ANKIB1: variants seen among roughly 807,000 people sequenced by gnomAD.
The protein encoded by ANKIB1 is ankyrin repeat and IBR domain-containing protein 1.
In ANKIB1, 43 loss-of-function variants were observed where a neutral mutation model predicts 122.1. The ratio of observed to expected loss-of-function variants is 0.35; its 90% CI spans 0.28 to 0.45. The LOEUF (loss-of-function observed/expected upper bound fraction) is 0.45. Ranked by LOEUF, ANKIB1 falls within the 20% of genes least tolerant of loss-of-function variation. The pLI, the probability that ANKIB1 is intolerant of heterozygous loss-of-function variation, is 1.00. For missense variants in ANKIB1, 992 were observed against 1,329.5 expected (o/e 0.75, Z 3.95); for synonymous variants, 390 against 442.0 (o/e 0.88, Z 1.48).
At chr7:92,249,969 G>C (rs777115113) in intron 1 of ANKIB1, among the ~76,000 whole-genome samples, 2 of 151,762 alleles carry the variant, frequency 1.3e-5, no homozygotes, top group African/African-American at 4.8e-5. Flanking sequence ...TAATATTCTC[G>C]AAAAGATTTG....
At chr7:92,246,636 C>T (rs1801055698) in intron 1 of ANKIB1, 117 bp downstream of exon 1, 1 of 454,076 alleles carries the variant, frequency 2.2e-6, no homozygotes, top group Admixed American at 2.4e-5. Flanking sequence ...GTGTCTGTCG[C>T]CTGTTTTGGA....
intron 1 of ANKIB1, among the ~76,000 whole-genome samples, chr7:92,258,066 G>A (rs981101640): frequency 5.3e-5 from 8 of 152,244 alleles, no homozygotes; most frequent in Admixed American, 3.3e-4. Flanking sequence ...ATTAGGATAT[G>A]ATATTCCGAT....
At chr7:92,352,681 T>C (rs748688583) in intron 9 of ANKIB1, 39 bp downstream of exon 9, 18 of 1,565,256 alleles carry the variant, frequency 1.1e-5, no homozygotes, top group African/African-American at 5.5e-5. Context: ...TAATCACCTT[T>C]CTTTCCAATA....
chr7:92,246,830 A>G (rs1183224054), intron 1 of ANKIB1, among the ~76,000 whole-genome samples: 1 of 150,588 alleles, frequency 6.6e-6, no homozygotes, highest in African/African-American at 2.5e-5. Flanking sequence ...CCTCCCCCCC[A>G]CCCCCATCCT....
intron 10 of ANKIB1, among the ~76,000 whole-genome samples, chr7:92,365,479 A>G (rs1804051417): frequency 6.6e-6 from 1 of 152,216 alleles, no homozygotes; most frequent in African/African-American, 2.4e-5. Context: ...ATGCATTGAG[A>G]GATGAGACTG....
intron 7 of ANKIB1, among the ~76,000 whole-genome samples, chr7:92,346,047 A>G (rs1386568454): frequency 6.6e-6 from 1 of 152,086 alleles, no homozygotes; most frequent in African/African-American, 2.4e-5. Context: ...CTCATTTCCC[A>G]TTGAATCCCT....
At chr7:92,274,653 A>G (rs920996331) in intron 1 of ANKIB1, among the ~76,000 whole-genome samples, 1 of 152,102 alleles carries the variant, frequency 6.6e-6, no homozygotes, top group African/African-American at 2.4e-5. Context: ...TTAACTCCTT[A>G]TAAGATTTTT....
At chr7:92,265,078 C>CT (rs1464155676) in intron 1 of ANKIB1, among the ~76,000 whole-genome samples, 1 of 152,176 alleles carries the variant, frequency 6.6e-6, no homozygotes, top group Admixed American at 6.5e-5. Context: ...TGGGCTGAAT[C>CT]TATCTTCCTG....
chr7:92,319,312 G>A lies in ANKIB1; in HGVS notation c.487-18G>A. On this transcript the variant is annotated intron_variant, in intron 3 of 19. Coordinates refer to ENST00000265742, the MANE Select transcript of ANKIB1 (RefSeq NM_019004.2). ...TTTGAACCTGTAGTTGCAAGTTTTT[G>A]AAAAAAAACTTTTTTAGCTTTTAGT... The A allele has an allele frequency of 6.5e-7, 1 of 1,536,000 alleles. No individual in the cohort carries two copies. The highest frequency in any genetic ancestry group is 8.8e-7 in the Non-Finnish European group (1 of 1,142,720).
intron 4 of ANKIB1, 139 bp downstream of exon 4, chr7:92,319,651 T>A: frequency 1.1e-6 from 1 of 892,666 alleles, no homozygotes; most frequent in East Asian, 2.7e-5. Flanking sequence ...TTCATAGCCA[T>A]AAAGTATAAA....
rs1172367879 is a variant in ANKIB1 at position 92,352,578 on chromosome 7, A to G, written c.1333A>G (p.Thr445Ala). Residue 445 changes from threonine (T) to alanine (A), a missense_variant, in exon 9 of 20, where the codon ACA (threonine) becomes GCA (alanine). Coordinates refer to ENST00000265742, the MANE Select transcript of ANKIB1 (RefSeq NM_019004.2). ...KQGSNTSGSD[T>A]LSFPLLRAPA... ...AGGGTCAAATACATCTGGATCTGAT[A>G]CACTCAGCTTCCCATTGCTGAGAGC... 1.2e-6 allele frequency: 2 copies of G among 1,613,482 alleles called. No individual in the cohort carries two copies. Among genetic ancestry groups the G allele is most frequent in the South Asian group, 2.2e-5 (2 of 90,944 alleles).
chr7:92,370,932 A>G (rs1055328958), intron 10 of ANKIB1, among the ~76,000 whole-genome samples: 2 of 152,214 alleles, frequency 1.3e-5, no homozygotes, highest in Non-Finnish European at 2.9e-5. Context: ...CAGATATGAT[A>G]GAGAAAGAGG....
At chr7:92,319,032 A>G (rs1802850943) in intron 3 of ANKIB1, among the ~76,000 whole-genome samples, 1 of 152,142 alleles carries the variant, frequency 6.6e-6, no homozygotes, top group Admixed American at 6.5e-5. Flanking sequence ...TTCAAATTTT[A>G]TTTTTGGACT....
chr7:92,269,617 T>G lies in ANKIB1; in HGVS notation c.-91+23098T>G, dbSNP rs143560940. Reference sequence around the variant, plus strand: ...GTTGCCCTGTTATAGACTAGAATTATTCTGACTTTATTCTATGTAAGCCTA... The same window carrying G: ...GTTGCCCTGTTATAGACTAGAATTAGTCTGACTTTATTCTATGTAAGCCTA... On this transcript the variant is annotated intron_variant, in intron 1 of 19. Coordinates refer to ENST00000265742, the MANE Select transcript of ANKIB1 (RefSeq NM_019004.2). Among the ~76,000 whole-genome samples the G allele has an allele frequency of 3.0e-4, 46 of 152,292 alleles. No individual in the cohort carries two copies. The East Asian group carries it at 8.3e-3, about 27-fold the overall frequency.
chr7:92,355,615 C>T (rs756466124), intron 9 of ANKIB1, among the ~76,000 whole-genome samples: 11 of 151,850 alleles, frequency 7.2e-5, no homozygotes, highest in South Asian at 2.1e-4. Flanking sequence ...TTTGGGAGGC[C>T]GAGGCAGGGG....
chr7:92,284,449 A>C (rs1048595135), intron 1 of ANKIB1, among the ~76,000 whole-genome samples: 1 of 152,224 alleles, frequency 6.6e-6, no homozygotes, highest in African/African-American at 2.4e-5. Flanking sequence ...CACCAGTTTC[A>C]TCTTACTGTA....
chr7:92,330,269 T>C (rs1803139844), intron 5 of ANKIB1, among the ~76,000 whole-genome samples: 1 of 152,202 alleles, frequency 6.6e-6, no homozygotes, highest in Admixed American at 6.5e-5. Flanking sequence ...TCTTTTCCTT[T>C]ATATTAACCT....
intron 9 of ANKIB1, among the ~76,000 whole-genome samples, chr7:92,355,705 C>T (rs1223939927): frequency 2.0e-5 from 3 of 151,734 alleles, no homozygotes; most frequent in African/African-American, 7.3e-5. Flanking sequence ...AAAAATTAGC[C>T]AGGCGTGGTG....
chr7:92,261,408 T>A (rs1801561601), intron 1 of ANKIB1, among the ~76,000 whole-genome samples: 2 of 151,998 alleles, frequency 1.3e-5, no homozygotes, highest in African/African-American at 4.8e-5. Context: ...TGTTTTGTTT[T>A]GTTTTGTTTT....
Sources: allele counts gnomAD v4.1 joint callset (sites outside exome capture counted in the v4.1 genomes callset), GRCh38; gene constraint gnomAD v4.1.1; transcripts MANE v1.5; gene names NCBI Gene and HGNC (gene_info 2026-07-23, HGNC 2026-07-21).